Variants in CD36 observed in about 807,000 individuals in gnomAD.
CD36 encodes platelet glycoprotein 4.
CD36 carries 119 observed loss-of-function variants against 55.2 expected under a neutral mutation model. The ratio of observed to expected loss-of-function variants is 2.15; its 90% CI spans 1.86 to 2.51. CD36 has a LOEUF of 2.51. CD36 is among the 30% of genes most tolerant of loss of function. The pLI, the probability that CD36 is intolerant of heterozygous loss-of-function variation, is 0.00. For missense variants in CD36, 819 were observed against 555.5 expected, an observed-to-expected ratio of 1.47 and a Z score of -4.77; for synonymous variants, 186 against 193.6, an observed-to-expected ratio of 0.96 and a Z score of 0.33.
chr7:80,671,240 C>A, intron 10 of CD36, 76 bp downstream of exon 10: 3 of 894,772 alleles, frequency 3.4e-6, no homozygotes, highest in Non-Finnish European at 5.3e-6. Flanking sequence ...TTACCATAAT[C>A]CTTTAGCAAC....
intron 9 of CD36, chr7:80,670,472 T>C (rs1465067028): frequency 4.4e-6 from 1 of 226,872 alleles, no homozygotes; most frequent in South Asian, 6.4e-5. Flanking sequence ...AATTTTTTTC[T>C]TATCTGTACA....
chr7:80,641,792 G>A (rs1534314), intron 1 of CD36, among the ~76,000 whole-genome samples: 21,370 of 151,866 alleles, frequency 0.14, 2,239 homozygotes, highest in East Asian at 0.43. Context: ...TTGCTCTAAT[G>A]TTCTAAACTG....
chr7:80,665,022 C>G (rs1796924894), intron 7 of CD36, among the ~76,000 whole-genome samples: 1 of 152,034 alleles, frequency 6.6e-6, no homozygotes. Context: ...CTTCCCCCTG[C>G]AAATAGTCTT....
At chr7:80,605,495 A>G (rs974329988) in intron 1 of CD36, among the ~76,000 whole-genome samples, 8 of 152,088 alleles carry the variant, frequency 5.3e-5, no homozygotes, top group African/African-American at 1.9e-4. Context: ...TCTGGGGGAA[A>G]AAAAATGGAC....
At chr7:80,620,585 T>A (rs1431922833) in intron 1 of CD36, among the ~76,000 whole-genome samples, 1 of 152,122 alleles carries the variant, frequency 6.6e-6, no homozygotes, top group East Asian at 1.9e-4. Context: ...AACCCAGTCC[T>A]CTTGAGTTTT....
chr7:80,674,372 C>T (rs1018311449), intron 14 of CD36: 2 of 481,198 alleles, frequency 4.2e-6, no homozygotes, highest in East Asian at 7.7e-5. Flanking sequence ...TACTTGTGAC[C>T]ATTGTAACAA....
intron 1 of CD36, among the ~76,000 whole-genome samples, chr7:80,604,350 A>ATTTTTTTTTTTTTTTTTTTTTTT (rs67213422): frequency 5.5e-5 from 3 of 54,294 alleles, no homozygotes; most frequent in African/African-American, 1.6e-4. Context: ...AGCCACTGGA[A>ATTTTTTTTTTTTTTTTTTTTTTT]TTTTTTTTTT....
chr7:80,662,495 A>G (rs1584423317), intron 5 of CD36: 1 of 271,160 alleles, frequency 3.7e-6, no homozygotes, highest in East Asian at 9.6e-5. Context: ...TTAGACGTGG[A>G]ACCTGCCGTT....
At position 80,673,342 on chromosome 7, in the gene CD36, A is replaced by G. The variant is rs144517073; in HGVS notation, c.1200-13A>G. The G allele has an allele frequency of 7.1e-5, 86 of 1,214,696 alleles. No individual in the cohort carries two copies. In the East Asian group the frequency reaches 1.5e-3, roughly 22 times the overall value. 75.2% of individuals were successfully genotyped at this position (1,214,696 alleles called of 1,614,324 possible). On this transcript the variant is annotated splice_polypyrimidine_tract_variant and intron_variant, in intron 12 of 14. Coordinates refer to ENST00000447544, the MANE Select transcript of CD36 (RefSeq NM_001001548.3). ...GTTTATATGTTCATAATTATTTTCA[A>G]CGTATATTACAGAGTATTAAAGAAT...
chr7:80,615,128 C>T (rs1247705450), intron 1 of CD36, among the ~76,000 whole-genome samples: 2 of 152,146 alleles, frequency 1.3e-5, no homozygotes, highest in African/African-American at 4.8e-5. Context: ...AGAATGAGAC[C>T]ACATTCCCTT....
intron 1 of CD36, among the ~76,000 whole-genome samples, chr7:80,604,830 A>G (rs989546340): frequency 6.6e-6 from 1 of 152,052 alleles, no homozygotes; most frequent in Non-Finnish European, 1.5e-5. Context: ...TTCTCATTTA[A>G]ATTTTTAGAA....
At chr7:80,614,811 T>C (rs1239059178) in intron 1 of CD36, among the ~76,000 whole-genome samples, 2 of 152,212 alleles carry the variant, frequency 1.3e-5, no homozygotes, top group Non-Finnish European at 2.9e-5. Context: ...TGCTACTTGT[T>C]AGCTTTATAC....
At chr7:80,602,798 C>T (rs1792313888) in intron 1 of CD36, among the ~76,000 whole-genome samples, 3 of 152,064 alleles carry the variant, frequency 2.0e-5, no homozygotes, top group African/African-American at 7.2e-5. Flanking sequence ...CTCTAAAAAT[C>T]TGGCCAATTT....
chr7:80,626,837 A>AT lies in CD36; in HGVS notation c.-183-19247dup, dbSNP rs202151165. The stretch of plus-strand genomic sequence containing the variant: ...ATTTACAAAAATTTTGCCCTTTCTG[A>AT]TTTTAGTCATGCTTTTAGGTTCTGT... On this transcript the variant is annotated intron_variant, in intron 1 of 13. Coordinates refer to the CD36 transcript ENST00000309881. 4.7e-3 allele frequency among the ~76,000 whole-genome samples: 717 copies of AT among 152,056 alleles called. 7 individuals carry two copies. Among genetic ancestry groups the AT allele is most frequent in the African/African-American group, 0.017 (692 of 41,516 alleles).
In CD36 at chr7:80,646,640, T is replaced by A. The variant is rs756429968; in HGVS notation, c.-89-12T>A. On this transcript the variant is annotated splice_polypyrimidine_tract_variant and intron_variant, in intron 2 of 14. Coordinates refer to ENST00000447544, the MANE Select transcript of CD36 (RefSeq NM_001001548.3). Reference sequence around the variant, plus strand: ...TTTAAGCTTCTGTTTTATGATCTCTTTCTAATGATAGAACCAGAGCTTGTA... The same window carrying A: ...TTTAAGCTTCTGTTTTATGATCTCTATCTAATGATAGAACCAGAGCTTGTA... 1.0e-4 allele frequency: 147 copies of A among 1,400,520 alleles called. No homozygotes were observed. The highest frequency in any genetic ancestry group is 1.4e-4 in the Non-Finnish European group (137 of 987,934). The allele number at this position is 1,400,520 out of a possible 1,614,324, so 86.8% of individuals were successfully genotyped here.
intron 3 of CD36, among the ~76,000 whole-genome samples, chr7:80,647,780 T>C (rs1245876844): frequency 6.6e-6 from 1 of 152,170 alleles, no homozygotes; most frequent in East Asian, 1.9e-4. Context: ...GTTTACTGCC[T>C]GAAGGCATAA....
chr7:80,639,547 C>A (rs1406021604), intron 1 of CD36, among the ~76,000 whole-genome samples: 1 of 151,850 alleles, frequency 6.6e-6, no homozygotes, highest in Non-Finnish European at 1.5e-5. Flanking sequence ...TATACATTAA[C>A]TAAAATTATA....
At chr7:80,646,527 A>G in intron 2 of CD36, 125 bp from the exon 3 acceptor site, 1 of 586,338 alleles carries the variant, frequency 1.7e-6, no homozygotes, top group Non-Finnish European at 3.0e-6. Flanking sequence ...TGGTGAAACA[A>G]AAAGAAAAGC....
rs767858388 is a variant in CD36 at position 80,670,069 on chromosome 7, T to G, written c.818+47T>G. The G allele has an allele frequency of 5.1e-6, 6 of 1,169,546 alleles. No individual in the cohort carries two copies. In the South Asian group the frequency reaches 7.3e-5, roughly 14 times the overall value. 72.4% of individuals were successfully genotyped at this position (1,169,546 alleles called of 1,614,324 possible). ...AAGTATGTCTGAGTCAGACCCCAGGTGACAAAATGCAGACCAAGAAACTTA... is the reference window on the plus strand; with the variant it reads ...AAGTATGTCTGAGTCAGACCCCAGGGGACAAAATGCAGACCAAGAAACTTA... On this transcript the variant is annotated intron_variant, in intron 9 of 14. Coordinates refer to ENST00000447544, the MANE Select transcript of CD36 (RefSeq NM_001001548.3).
Sources: allele counts gnomAD v4.1 joint callset (sites outside exome capture counted in the v4.1 genomes callset), GRCh38; gene constraint gnomAD v4.1.1; transcripts MANE v1.5; gene names NCBI Gene and HGNC (gene_info 2026-07-23, HGNC 2026-07-21).